PCDH15: variants seen among roughly 807,000 people sequenced by gnomAD.
PCDH15 encodes protocadherin-15.
In PCDH15, 129 loss-of-function variants were observed where a neutral mutation model predicts 178.5. That is an observed-to-expected ratio of 0.72 (90% CI 0.63 to 0.84). PCDH15 has a LOEUF of 0.84. PCDH15 is among the 40% of genes least tolerant of loss of function. The pLI, the probability that PCDH15 is intolerant of heterozygous loss-of-function variation, is 0.00. For synonymous variants in PCDH15, 800 were observed against 732.0 expected, an observed-to-expected ratio of 1.09 and a Z score of -1.50; for missense variants, 2,230 against 2,099.9, an observed-to-expected ratio of 1.06 and a Z score of -1.21.
chr10:55,480,680 C>G (rs1191984764), intron 2 of PCDH15, among the ~76,000 whole-genome samples: 1 of 151,742 alleles, frequency 6.6e-6, no homozygotes, highest in Non-Finnish European at 1.5e-5. Context: ...TGGGATGAAG[C>G]CTATTTAATC....
chr10:54,533,318 C>A (rs2084123866), intron 2 of PCDH15, among the ~76,000 whole-genome samples: 2 of 151,978 alleles, frequency 1.3e-5, no homozygotes, highest in African/African-American at 4.8e-5. Flanking sequence ...AAAAAATTGA[C>A]AGATAATTTG....
At chr10:54,353,760 C>T (rs1944528240) in intron 5 of PCDH15, among the ~76,000 whole-genome samples, 1 of 151,922 alleles carries the variant, frequency 6.6e-6, no homozygotes, top group African/African-American at 2.4e-5. Context: ...ATCTTGATTT[C>T]ATTAAAAATC....
At chr10:54,230,616 A>G (rs1402280270) in intron 9 of PCDH15, among the ~76,000 whole-genome samples, 1 of 152,106 alleles carries the variant, frequency 6.6e-6, no homozygotes, top group Non-Finnish European at 1.5e-5. Flanking sequence ...AAGTGCTAAT[A>G]CTTGATAATA....
chr10:54,130,962 A>G (rs1433562960), intron 15 of PCDH15, among the ~76,000 whole-genome samples: 1 of 152,202 alleles, frequency 6.6e-6, no homozygotes, highest in South Asian at 2.1e-4. Context: ...AAGTACCTTC[A>G]TGGTATTACC....
intron 2 of PCDH15, among the ~76,000 whole-genome samples, chr10:54,641,358 C>T (rs2093983792): frequency 6.6e-6 from 1 of 152,146 alleles, no homozygotes; most frequent in Non-Finnish European, 1.5e-5. Flanking sequence ...ATAAGAGATA[C>T]AAATTTTTAA....
intron 2 of PCDH15, among the ~76,000 whole-genome samples, chr10:54,625,843 G>A (rs186816443): frequency 6.6e-6 from 1 of 152,298 alleles, no homozygotes; most frequent in African/African-American, 2.4e-5. Context: ...GAACAGTTTA[G>A]AGGGCTCAGA....
intron 3 of PCDH15, among the ~76,000 whole-genome samples, chr10:54,489,110 G>A (rs2137080638): frequency 6.6e-6 from 1 of 152,054 alleles, no homozygotes; most frequent in South Asian, 2.1e-4. Context: ...TTATGCCCTG[G>A]ATCAATCAAT....
chr10:54,929,485 A>C (rs1234505420), intron 2 of PCDH15, among the ~76,000 whole-genome samples: 1 of 152,172 alleles, frequency 6.6e-6, no homozygotes, highest in Non-Finnish European at 1.5e-5. Flanking sequence ...AGACATTACT[A>C]TTAATCATAT....
At chr10:54,587,702 C>G (rs929513905) in intron 2 of PCDH15, among the ~76,000 whole-genome samples, 3 of 152,254 alleles carry the variant, frequency 2.0e-5, no homozygotes, top group Admixed American at 6.5e-5. Flanking sequence ...AAATCAATCA[C>G]TATTCAAACT....
chr10:54,731,872 T>A (rs572382111), intron 1 of PCDH15, among the ~76,000 whole-genome samples: 2 of 150,930 alleles, frequency 1.3e-5, no homozygotes, highest in African/African-American at 2.4e-5. Context: ...AGAAATAATA[T>A]CTAGTGTTTG....
intron 16 of PCDH15, among the ~76,000 whole-genome samples, chr10:54,081,285 G>T (rs187413396): frequency 1.1e-4 from 16 of 145,874 alleles, no homozygotes; most frequent in Admixed American, 3.6e-4. Context: ...AATCTATATC[G>T]CCTCCCAACT....
At chr10:55,127,287 T>C (rs1045692168) in intron 2 of PCDH15, among the ~76,000 whole-genome samples, 2 of 152,084 alleles carry the variant, frequency 1.3e-5, no homozygotes, top group East Asian at 3.9e-4. Flanking sequence ...TGATGCTTTA[T>C]CATTTTATAC....
In PCDH15 at chr10:54,493,615, T is replaced by A. The variant is rs567131762; in HGVS notation, c.157+34197A>T. Among the ~76,000 whole-genome samples, 348 of 148,800 alleles carry A rather than the reference T, an allele frequency of 2.3e-3. 1 individual carries two copies. The highest frequency in any genetic ancestry group is 7.0e-3 in the Middle Eastern group (2 of 284). ...AATCCAGTGACCCTGAAAAAAAAAATGAAGGTTAAGAAACTCCCCCACCCG... is the reference window on the plus strand; with the variant it reads ...AATCCAGTGACCCTGAAAAAAAAAAAGAAGGTTAAGAAACTCCCCCACCCG... On this transcript the variant is annotated intron_variant, in intron 3 of 37. Transcript: ENST00000644397.
At chr10:55,310,791 G>T (rs528659231) in intron 1 of PCDH15, among the ~76,000 whole-genome samples, 1 of 152,230 alleles carries the variant, frequency 6.6e-6, no homozygotes, top group South Asian at 2.1e-4. Context: ...ACCAAATACT[G>T]CATGTTCTCA....
At chr10:54,506,959 C>A (rs10763112) in intron 3 of PCDH15, among the ~76,000 whole-genome samples, 4 of 151,634 alleles carry the variant, frequency 2.6e-5, no homozygotes, top group Admixed American at 1.3e-4. Flanking sequence ...TCAACTGATT[C>A]AAAAAAATAA....
At chr10:54,505,937 C>T (rs369291638) in intron 3 of PCDH15, among the ~76,000 whole-genome samples, 20 of 151,718 alleles carry the variant, frequency 1.3e-4, no homozygotes, top group African/African-American at 4.8e-4. Flanking sequence ...TATAGAGTAG[C>T]GATATTATTT....
intron 2 of PCDH15, among the ~76,000 whole-genome samples, chr10:54,537,889 G>A (rs2084757354): frequency 6.6e-6 from 1 of 152,060 alleles, no homozygotes; most frequent in African/African-American, 2.4e-5. Flanking sequence ...ATTTTTTCAT[G>A]TTTGTTGTCT....
intron 2 of PCDH15, among the ~76,000 whole-genome samples, chr10:54,974,956 AT>A (rs1839032190): frequency 6.6e-6 from 1 of 152,164 alleles, no homozygotes; most frequent in Non-Finnish European, 1.5e-5. Context: ...GTGCAGTGTC[AT>A]AAATATAGCA....
rs1222085580 is a variant in PCDH15 at position 55,158,886 on chromosome 10, GA to G, written c.-80+7689del. On this transcript the variant is annotated intron_variant, in intron 2 of 5. Coordinates refer to the PCDH15 transcript ENST00000458638. Reference sequence around the variant, plus strand: ...AAGAAAGGGAGAGAGGGAGGGAGAAGAGAGAGAGAGAGAAAAAACAAGAGCT... The same window carrying G: ...AAGAAAGGGAGAGAGGGAGGGAGAAGGAGAGAGAGAGAAAAAACAAGAGCT... Among the ~76,000 whole-genome samples the G allele has an allele frequency of 8.1e-4, 9 of 11,044 alleles. No homozygotes were observed. The Admixed American group carries it at 0.017, about 21-fold the overall frequency. The allele number at this position is 11,044 out of a possible 152,430, so 7.2% of individuals were successfully genotyped here.
Sources: allele counts gnomAD v4.1 joint callset (sites outside exome capture counted in the v4.1 genomes callset), GRCh38; gene constraint gnomAD v4.1.1; transcripts MANE v1.5; gene names NCBI Gene and HGNC (gene_info 2026-07-23, HGNC 2026-07-21).